The following IL1RAPL2 variants were observed in gnomAD, a reference collection of about 807,000 sequenced individuals.
IL1RAPL2 encodes interleukin 1 receptor accessory protein like 2, also known as X-linked interleukin-1 receptor accessory protein-like 2.
IL1RAPL2 carries 3 observed loss-of-function variants against 44.1 expected under a neutral mutation model. The observed-to-expected ratio is 0.07, with a 90% CI of 0.03 to 0.18. The LOEUF is 0.18. Ranked by LOEUF, IL1RAPL2 falls within the 10% of genes least tolerant of loss-of-function variation. The probability of loss-of-function intolerance (pLI) is 1.00; values close to 1 mark genes in which losing one functional copy is unlikely to be tolerated. For synonymous variants in IL1RAPL2, 181 were observed against 178.8 expected (o/e 1.01, Z -0.10); for missense variants, 391 against 496.4 (o/e 0.79, Z 2.02).
intron 6 of IL1RAPL2, among the ~76,000 whole-genome samples, chrX:105,686,380 CAAAAAAA>C (rs1177667576): frequency 4.0e-4 from 10 of 25,166 alleles, no homozygotes; most frequent in Non-Finnish European, 6.2e-4. Context: ...AAATGGAAAG[CAAAAAAA>C]AAAAAAAAAA....
chrX:105,401,466 G>A (rs2035605939), intron 5 of IL1RAPL2, among the ~76,000 whole-genome samples: 1 of 111,347 alleles, frequency 9.0e-6, no homozygotes, highest in South Asian at 3.7e-4. Flanking sequence ...TCCTCTGTGA[G>A]TATTATAGTC....
chrX:105,055,227 T>C (rs188059891), intron 2 of IL1RAPL2, among the ~76,000 whole-genome samples: 19 of 111,847 alleles, frequency 1.7e-4, no homozygotes, highest in African/African-American at 6.2e-4. Context: ...TGTCCTCACA[T>C]GGCAGAAAGA....
intron 2 of IL1RAPL2, among the ~76,000 whole-genome samples, chrX:104,756,469 C>T (rs1397903757): frequency 1.8e-5 from 2 of 110,832 alleles, no homozygotes; most frequent in Non-Finnish European, 3.8e-5. Flanking sequence ...TGGGCCTAGT[C>T]CCAGCAAATG....
chrX:105,266,113 C>T, intron 4 of IL1RAPL2, among the ~76,000 whole-genome samples: 1 of 109,640 alleles, frequency 9.1e-6, no homozygotes, highest in East Asian at 2.9e-4. Flanking sequence ...GTGATCTCGG[C>T]TCACTGCAAA....
At chrX:105,669,963 T>A (rs1397402628) in intron 6 of IL1RAPL2, among the ~76,000 whole-genome samples, 3 of 104,467 alleles carry the variant, frequency 2.9e-5, no homozygotes, top group Admixed American at 2.1e-4. Flanking sequence ...CGGTTCATTA[T>A]TTTTTGCCTA....
At chrX:105,521,344 G>GA (rs2036557006) in intron 6 of IL1RAPL2, among the ~76,000 whole-genome samples, 1 of 110,538 alleles carries the variant, frequency 9.0e-6, no homozygotes, top group African/African-American at 3.3e-5. Flanking sequence ...GATCTGGAGA[G>GA]AAAAACAACA....
intron 2 of IL1RAPL2, among the ~76,000 whole-genome samples, chrX:105,077,449 A>T (rs183129531): frequency 1.2e-4 from 13 of 111,624 alleles, no homozygotes; most frequent in African/African-American, 4.2e-4. Context: ...GTGGGTAACC[A>T]GACCTTTCTC....
intron 6 of IL1RAPL2, among the ~76,000 whole-genome samples, chrX:105,527,436 TTGTGTGTGTG>T (rs10687485): frequency 1.6e-4 from 15 of 95,649 alleles, no homozygotes; most frequent in African/African-American, 3.4e-4. Flanking sequence ...TGAGAGTGTG[TTGTGTGTGTG>T]TGTGTGTGTG....
chrX:104,576,885 A>AGT (rs1172922478), intron 1 of IL1RAPL2, among the ~76,000 whole-genome samples: 14 of 111,925 alleles, frequency 1.3e-4, no homozygotes, highest in African/African-American at 4.5e-4. Context: ...TGCCAGAAAC[A>AGT]GTACATGGTC....
intron 2 of IL1RAPL2, among the ~76,000 whole-genome samples, chrX:105,087,140 C>T (rs1361377770): frequency 9.0e-6 from 1 of 111,420 alleles, no homozygotes; most frequent in Non-Finnish European, 1.9e-5. Flanking sequence ...ATGTGATAAA[C>T]TGGAAATGGC....
chrX:104,605,300 C>T (rs774466971), intron 1 of IL1RAPL2, among the ~76,000 whole-genome samples: 1 of 111,848 alleles, frequency 8.9e-6, no homozygotes, highest in South Asian at 3.7e-4. Flanking sequence ...ACCAGAATCT[C>T]TGGGACACAT....
intron 2 of IL1RAPL2, among the ~76,000 whole-genome samples, chrX:104,872,276 G>T: frequency 8.9e-6 from 1 of 111,757 alleles, no homozygotes. Flanking sequence ...AGGATCTAAT[G>T]CCTCGTATGT....
chrX:105,245,216 C>T lies in IL1RAPL2; in HGVS notation c.543+11212C>T, dbSNP rs534957235. Among the ~76,000 whole-genome samples the T allele has an allele frequency of 1.4e-4, 16 of 112,233 alleles. No individual in the cohort carries two copies. In the South Asian group the frequency reaches 4.1e-3, roughly 28 times the overall value. On this transcript the variant is annotated intron_variant, in intron 4 of 10. Transcript: ENST00000372582. The stretch of plus-strand genomic sequence containing the variant: ...ATATACAGAATCTTTAAATTCCTTT[C>T]GTTTCCATCAGTCTCTGTGTTTTAC...
intron 2 of IL1RAPL2, among the ~76,000 whole-genome samples, chrX:104,983,540 ATAT>A (rs1340677229): frequency 1.1e-4 from 11 of 97,714 alleles, no homozygotes; most frequent in East Asian, 5.8e-4. Flanking sequence ...ATATTATATA[ATAT>A]TATATTATAG....
At chrX:105,211,792 C>T (rs782627880) in intron 3 of IL1RAPL2, among the ~76,000 whole-genome samples, 7 of 110,801 alleles carry the variant, frequency 6.3e-5, no homozygotes, top group Non-Finnish European at 1.3e-4. Context: ...TTCATCTCAA[C>T]AGGACTGGTT....
chrX:105,513,889 T>G (rs1215499390), intron 6 of IL1RAPL2, among the ~76,000 whole-genome samples: 1 of 111,649 alleles, frequency 9.0e-6, no homozygotes, highest in East Asian at 2.8e-4. Flanking sequence ...CTTCTAGGAT[T>G]TTTATGGTTT....
chrX:105,462,276 C>G (rs2036098716), intron 5 of IL1RAPL2, among the ~76,000 whole-genome samples: 1 of 110,925 alleles, frequency 9.0e-6, no homozygotes, highest in African/African-American at 3.3e-5. Context: ...TTTCTTTATT[C>G]CATTCTAGTT....
chrX:104,942,197 C>T (rs1413263994), intron 2 of IL1RAPL2, among the ~76,000 whole-genome samples: 2 of 111,569 alleles, frequency 1.8e-5, no homozygotes, highest in East Asian at 5.6e-4. Context: ...TTTTTTGGTT[C>T]CATATGAACT....
intron 2 of IL1RAPL2, among the ~76,000 whole-genome samples, chrX:104,928,645 G>A (rs1166263549): frequency 2.7e-5 from 3 of 111,553 alleles, no homozygotes; most frequent in Non-Finnish European, 5.6e-5. Context: ...AACTCCCAGA[G>A]CTCAAGTAGC....
Sources: gnomAD v4.1 joint callset for allele counts (sites outside exome capture counted in the v4.1 genomes callset) on GRCh38, gnomAD v4.1.1 for gene constraint, MANE v1.5 for transcripts, NCBI Gene and HGNC (gene_info 2026-07-23, HGNC 2026-07-21) for gene names.